The following TASP1 variants were observed in gnomAD, a reference collection of about 807,000 sequenced individuals.
TASP1 encodes threonine aspartase 1.
In TASP1, 16 loss-of-function variants were observed where a neutral mutation model predicts 56.6. That is an observed-to-expected ratio of 0.28 (90% CI 0.19 to 0.43). The LOEUF is 0.43. TASP1 is among the 20% of genes least tolerant of loss of function. The pLI is 1.00. For synonymous variants in TASP1, 179 were observed against 184.2 expected, an observed-to-expected ratio of 0.97 and a Z score of 0.23; for missense variants, 393 against 511.6, an observed-to-expected ratio of 0.77 and a Z score of 2.24.
chr20:13,257,308 A>G, the TASP1 span, among the ~76,000 whole-genome samples: 2 of 152,266 alleles, frequency 1.3e-5, no homozygotes, highest in South Asian at 4.2e-4. Context: ...TGAGGTCAGG[A>G]GTTTGAGACC....
chr20:13,489,581 G>A (rs1167294146), intron 10 of TASP1, among the ~76,000 whole-genome samples: 2 of 152,106 alleles, frequency 1.3e-5, no homozygotes, highest in Non-Finnish European at 2.9e-5. Flanking sequence ...AGGACGGCAG[G>A]AGGGAAAGGA....
chr20:13,110,244 C>T, the TASP1 span: 265 of 1,590,080 alleles, frequency 1.7e-4, 2 homozygotes, highest in South Asian at 2.6e-3. Flanking sequence ...ACACATTTTA[C>T]GACTCGGAGG....
intron 1 of TASP1, among the ~76,000 whole-genome samples, chr20:13,631,107 T>G (rs2049071417): frequency 6.6e-6 from 1 of 152,198 alleles, no homozygotes; most frequent in African/African-American, 2.4e-5. Flanking sequence ...TGGTCTTTTA[T>G]AACAGAGATA....
In TASP1 at chr20:13,484,573, T is replaced by TA. The variant is rs530369617; in HGVS notation, c.875-1237dup. Among the ~76,000 whole-genome samples, 769 of 151,544 alleles carry TA rather than the reference T, an allele frequency of 5.1e-3. 4 individuals carry two copies. Among genetic ancestry groups the TA allele is most frequent in the East Asian group, 0.012 (60 of 5,118 alleles). On this transcript the variant is annotated intron_variant, in intron 10 of 13. Transcript: ENST00000337743. ...CAACATGGTGAAACCCCATCTCTAC[T>TA]AAAAAATACAAAAATTAGCCAGGTG...
intron 10 of TASP1, among the ~76,000 whole-genome samples, chr20:13,508,524 A>C (rs2044211794): frequency 6.6e-6 from 1 of 152,166 alleles, no homozygotes. Flanking sequence ...AAATCTGAAA[A>C]ACTCCGAAAT....
At chr20:13,370,888 G>A in the TASP1 span, among the ~76,000 whole-genome samples, 3 of 152,138 alleles carry the variant, frequency 2.0e-5, no homozygotes, top group South Asian at 2.1e-4. Flanking sequence ...TTTTAAGTCC[G>A]TTTTGGTAGT....
At chr20:13,107,522 A>G in the TASP1 span, among the ~76,000 whole-genome samples, 6 of 152,200 alleles carry the variant, frequency 3.9e-5, no homozygotes, top group East Asian at 1.9e-4. Context: ...AAATTTGTCA[A>G]TTAGGTAATA....
the TASP1 span, among the ~76,000 whole-genome samples, chr20:13,278,616 G>GA: frequency 6.6e-6 from 1 of 152,198 alleles, no homozygotes; most frequent in African/African-American, 2.4e-5. Context: ...GCAAGTTGTT[G>GA]ATGTCTCTGT....
At chr20:13,272,898 T>C in the TASP1 span, among the ~76,000 whole-genome samples, 292 of 152,354 alleles carry the variant, frequency 1.9e-3, no homozygotes, top group African/African-American at 6.8e-3. Flanking sequence ...GTTTAGGCCA[T>C]GCCCAAAACA....
intron 7 of TASP1, among the ~76,000 whole-genome samples, chr20:13,559,617 T>C (rs2046275313): frequency 6.6e-6 from 1 of 152,190 alleles, no homozygotes; most frequent in Non-Finnish European, 1.5e-5. Flanking sequence ...CAGCTTTGGT[T>C]CTAGATGTAA....
the TASP1 span, among the ~76,000 whole-genome samples, chr20:13,108,063 A>C: frequency 6.6e-6 from 1 of 152,038 alleles, no homozygotes; most frequent in South Asian, 2.1e-4. Flanking sequence ...CTTTTTCTGA[A>C]TTTCAGGACC....
chr20:13,576,398 T>G (rs182342742), intron 6 of TASP1, among the ~76,000 whole-genome samples: 9 of 133,174 alleles, frequency 6.8e-5, no homozygotes, highest in African/African-American at 2.5e-4. Context: ...AGAAAGAAAG[T>G]CAGTCTTATG....
intron 11 of TASP1, among the ~76,000 whole-genome samples, chr20:13,450,055 TCA>T (rs2043558446): frequency 6.6e-6 from 1 of 152,202 alleles, no homozygotes; most frequent in Admixed American, 6.6e-5. Context: ...ATAAAGTGAG[TCA>T]TGCAAGTTTT....
intron 4 of TASP1, among the ~76,000 whole-genome samples, chr20:13,606,612 C>T (rs1395952733): frequency 2.0e-5 from 3 of 151,976 alleles, no homozygotes; most frequent in African/African-American, 7.2e-5. Flanking sequence ...TCGAGACCAT[C>T]CTGACTAACA....
At chr20:13,234,240 T>C in the TASP1 span, among the ~76,000 whole-genome samples, 2 of 152,194 alleles carry the variant, frequency 1.3e-5, no homozygotes, top group African/African-American at 4.8e-5. Context: ...CTGAGTTATT[T>C]TGCTTAGCAT....
the TASP1 span, among the ~76,000 whole-genome samples, chr20:13,134,869 T>C: frequency 1.3e-5 from 2 of 152,216 alleles, no homozygotes; most frequent in Non-Finnish European, 2.9e-5. Context: ...AATCTGTGTT[T>C]AAACCAAAAC....
chr20:13,132,661 G>A, the TASP1 span, among the ~76,000 whole-genome samples: 2 of 151,974 alleles, frequency 1.3e-5, no homozygotes, highest in East Asian at 1.9e-4. Context: ...AATTCTTCTC[G>A]CTATCCCTCT....
intron 1 of TASP1, among the ~76,000 whole-genome samples, chr20:13,637,733 G>C (rs2049360301): frequency 6.6e-6 from 1 of 152,194 alleles, no homozygotes; most frequent in South Asian, 2.1e-4. Flanking sequence ...GGGAGAGAAA[G>C]CAGAGAATCT....
At chr20:13,110,086 A>ATTT in the TASP1 span, 2 of 1,184,724 alleles carry the variant, frequency 1.7e-6, no homozygotes, top group East Asian at 3.0e-5. Flanking sequence ...TCATGACTCA[A>ATTT]TTTTTTTTTT....
Sources: allele counts gnomAD v4.1 joint callset (sites outside exome capture counted in the v4.1 genomes callset), GRCh38; gene constraint gnomAD v4.1.1; transcripts MANE v1.5; gene names NCBI Gene and HGNC (gene_info 2026-07-23, HGNC 2026-07-21).